The following PVT1 variants were observed in gnomAD, a reference collection of about 807,000 sequenced individuals.
PVT1 encodes Pvt1 oncogene, also known as CXCR4/PVT1 fusion.
intron 4 of PVT1, among the ~76,000 whole-genome samples, chr8:128,021,658 G>T (rs1817440749): frequency 6.6e-6 from 1 of 152,150 alleles, no homozygotes; most frequent in African/African-American, 2.4e-5. Context: ...TGCAGGGTGA[G>T]TGTGCTAAAA....
At chr8:128,079,089 C>T (rs1051743403) in intron 5 of PVT1, among the ~76,000 whole-genome samples, 1 of 150,208 alleles carries the variant, frequency 6.7e-6, no homozygotes, top group Admixed American at 6.6e-5. Flanking sequence ...AAGCATTGTC[C>T]ACTTTATTCT....
chr8:127,837,055 C>A (rs527434003), intron 2 of PVT1, among the ~76,000 whole-genome samples: 1 of 152,174 alleles, frequency 6.6e-6, no homozygotes, highest in African/African-American at 2.4e-5. Context: ...AAGCCAGGCC[C>A]CCTGAGGGTC....
intron 5 of PVT1, among the ~76,000 whole-genome samples, chr8:128,076,886 G>T (rs530034470): frequency 7.9e-5 from 12 of 152,334 alleles, no homozygotes; most frequent in African/African-American, 2.9e-4. Context: ...CCCTTCAGGG[G>T]CTTCTGAGAG....
intron 4 of PVT1, among the ~76,000 whole-genome samples, chr8:128,014,415 G>A (rs1238668969): frequency 1.3e-5 from 2 of 152,226 alleles, no homozygotes; most frequent in African/African-American, 4.8e-5. Flanking sequence ...GATATCTTCA[G>A]ACTCTCATCA....
At chr8:128,079,280 T>G (rs962731530) in intron 5 of PVT1, among the ~76,000 whole-genome samples, 2 of 152,320 alleles carry the variant, frequency 1.3e-5, no homozygotes, top group Non-Finnish European at 2.9e-5. Flanking sequence ...GTTGCTCAGC[T>G]CTCTGTGTGT....
At chr8:127,981,935 G>T (rs1317426521) in intron 3 of PVT1, among the ~76,000 whole-genome samples, 2 of 152,212 alleles carry the variant, frequency 1.3e-5, no homozygotes, top group Non-Finnish European at 2.9e-5. Flanking sequence ...GGTTCTCTGA[G>T]TCAAAATCCT....
chr8:127,915,515 G>A (rs1815972801), intron 3 of PVT1, among the ~76,000 whole-genome samples: 1 of 151,532 alleles, frequency 6.6e-6, no homozygotes. Flanking sequence ...GGGAGGCTGA[G>A]GCAGGAGAAT....
At chr8:127,886,001 G>T (rs1015480133) in intron 2 of PVT1, among the ~76,000 whole-genome samples, 2 of 152,144 alleles carry the variant, frequency 1.3e-5, no homozygotes, top group Non-Finnish European at 2.9e-5. Flanking sequence ...GGAGGCTGAG[G>T]CAGGAGAATC....
At chr8:127,979,889 T>C (rs1179295545) in intron 3 of PVT1, among the ~76,000 whole-genome samples, 1 of 152,150 alleles carries the variant, frequency 6.6e-6, no homozygotes, top group East Asian at 1.9e-4. Context: ...TGGTGGTGGT[T>C]TGTTTTCAGT....
In PVT1 at chr8:127,866,774, T is replaced by C. The variant is rs560242768; in HGVS notation, n.373-23815T>C. ...CTGTTATGTATTGTCTGTGCATTCATATTAGTACACAGGGAAGATCTTGGG... is the reference window on the plus strand; with the variant it reads ...CTGTTATGTATTGTCTGTGCATTCACATTAGTACACAGGGAAGATCTTGGG... On this transcript the variant is annotated intron_variant and non_coding_transcript_variant, in intron 2 of 10. Coordinates refer to ENST00000651587, the Ensembl canonical transcript of PVT1. Among the ~76,000 whole-genome samples, 33 of 152,258 alleles carry C rather than the reference T, an allele frequency of 2.2e-4. 1 individual carries two copies. The highest frequency in any genetic ancestry group is 2.9e-5 in the Non-Finnish European group (2 of 68,020).
At chr8:127,971,629 AT>A (rs1315654898) in intron 3 of PVT1, among the ~76,000 whole-genome samples, 1 of 152,182 alleles carries the variant, frequency 6.6e-6, no homozygotes, top group Non-Finnish European at 1.5e-5. Context: ...TCTGGAACCC[AT>A]GCCAGGCCAC....
chr8:128,078,007 C>T (rs1474460127), intron 5 of PVT1, among the ~76,000 whole-genome samples: 1 of 152,166 alleles, frequency 6.6e-6, no homozygotes, highest in Non-Finnish European at 1.5e-5. Flanking sequence ...GGGGATGGTT[C>T]CTGCCCTTCA....
chr8:127,827,015 G>A (rs1335824091), intron 2 of PVT1, among the ~76,000 whole-genome samples: 7 of 26,196 alleles, frequency 2.7e-4, no homozygotes, highest in Admixed American at 2.5e-3. Flanking sequence ...TTTTTTTTGA[G>A]ATGGAGTTTT....
intron 3 of PVT1, among the ~76,000 whole-genome samples, chr8:127,928,860 C>A (rs564624879): frequency 3.9e-5 from 6 of 152,296 alleles, no homozygotes; most frequent in Admixed American, 2.0e-4. Flanking sequence ...GGGCTCTGGG[C>A]CACTCAGTTC....
At chr8:127,958,398 C>T (rs1278494931) in intron 3 of PVT1, among the ~76,000 whole-genome samples, 6 of 152,102 alleles carry the variant, frequency 3.9e-5, no homozygotes, top group East Asian at 1.9e-4. Context: ...CACCGCCATG[C>T]CCAGTTAATT....
intron 3 of PVT1, among the ~76,000 whole-genome samples, chr8:127,936,045 T>A (rs1306106452): frequency 6.7e-6 from 1 of 149,978 alleles, no homozygotes; most frequent in Non-Finnish European, 1.5e-5. Flanking sequence ...TTTTTTTTTT[T>A]TTTTTTTTTT....
In PVT1 at chr8:127,896,037, A is replaced by G. The variant is rs193169931; in HGVS notation, n.782+5039A>G. 5.9e-5 allele frequency among the ~76,000 whole-genome samples: 9 copies of G among 152,352 alleles called. No individual in the cohort carries two copies. The East Asian group carries it at 9.6e-4, about 16-fold the overall frequency. ...CAGAAACTCCTCCTGGATCATAAAC[A>G]TTGAAAAAAAAATTGTTACAAGATG... On this transcript the variant is annotated intron_variant and non_coding_transcript_variant, in intron 3 of 10. Transcript: ENST00000651587.
intron 3 of PVT1, among the ~76,000 whole-genome samples, chr8:127,978,031 T>C (rs770714797): frequency 1.7e-4 from 26 of 152,246 alleles, no homozygotes; most frequent in Non-Finnish European, 3.8e-4. Context: ...TCAGGGCTTA[T>C]GTGCTAATGT....
chr8:127,908,197 C>T (rs904092136), intron 3 of PVT1, among the ~76,000 whole-genome samples: 4 of 151,994 alleles, frequency 2.6e-5, no homozygotes, highest in East Asian at 1.9e-4. Context: ...TTTAGTATTC[C>T]GTACACAGTC....
Sources: gnomAD v4.1 joint callset for allele counts (sites outside exome capture counted in the v4.1 genomes callset) on GRCh38, gnomAD v4.1.1 for gene constraint, MANE v1.5 for transcripts, NCBI Gene and HGNC (gene_info 2026-07-23, HGNC 2026-07-21) for gene names.